Variants in IL1R1 observed in about 807,000 individuals in gnomAD.
IL1R1 encodes the protein interleukin 1 receptor type 1.
In IL1R1, 22 loss-of-function variants were observed where a neutral mutation model predicts 50.2. The ratio of observed to expected loss-of-function variants is 0.44; its 90% CI spans 0.31 to 0.63. IL1R1 has a LOEUF of 0.63. Among genes scored for constraint, IL1R1 ranks in the 20% least tolerant of loss-of-function variants. The probability of loss-of-function intolerance (pLI) is 0.07; values close to 1 mark genes in which losing one functional copy is unlikely to be tolerated. For synonymous variants in IL1R1, 251 were observed against 236.7 expected, an observed-to-expected ratio of 1.06 and a Z score of -0.55; for missense variants, 509 against 676.2, an observed-to-expected ratio of 0.75 and a Z score of 2.74.
At chr2:102,081,410 T>C (rs1378583646) in intron 1 of IL1R1, among the ~76,000 whole-genome samples, 1 of 152,090 alleles carries the variant, frequency 6.6e-6, no homozygotes, top group African/African-American at 2.4e-5. Context: ...GAAATAATCT[T>C]CCAACCTGCA....
intron 1 of IL1R1, among the ~76,000 whole-genome samples, chr2:102,072,659 C>T (rs1183855771): frequency 1.3e-5 from 2 of 151,982 alleles, no homozygotes; most frequent in Non-Finnish European, 2.9e-5. Context: ...GCAGTATTCT[C>T]TCTTGGATTT....
chr2:102,135,880 A>T (rs13383301), intron 1 of IL1R1, among the ~76,000 whole-genome samples: 23,611 of 152,130 alleles, frequency 0.16, 2,007 homozygotes, highest in South Asian at 0.21. Flanking sequence ...TTTTTATTTC[A>T]TTTAATTTAA....
chr2:102,111,987 G>A (rs1381137087), intron 1 of IL1R1, among the ~76,000 whole-genome samples: 1 of 152,144 alleles, frequency 6.6e-6, no homozygotes, highest in Non-Finnish European at 1.5e-5. Flanking sequence ...GCTCAGAATA[G>A]AACAAAATTC....
chr2:102,130,100 G>A (rs1681948059), intron 1 of IL1R1, among the ~76,000 whole-genome samples: 1 of 152,120 alleles, frequency 6.6e-6, no homozygotes, highest in South Asian at 2.1e-4. Flanking sequence ...ATACAGATAA[G>A]TTCTCATATC....
chr2:102,104,468 G>A (rs1041167847), upstream of IL1R1: 1 of 152,348 alleles, frequency 6.6e-6, no homozygotes, highest in Admixed American at 6.5e-5. Context: ...GCAGTGGCGG[G>A]TGTTGGTGTT....
chr2:102,164,189 C>G (rs1684968279), intron 3 of IL1R1, among the ~76,000 whole-genome samples: 1 of 152,054 alleles, frequency 6.6e-6, no homozygotes, highest in Admixed American at 6.6e-5. Flanking sequence ...AAGACTCTTT[C>G]TGCGTGTCGT....
intron 1 of IL1R1, among the ~76,000 whole-genome samples, chr2:102,094,087 A>C (rs1264045564): frequency 6.6e-6 from 1 of 152,236 alleles, no homozygotes; most frequent in African/African-American, 2.4e-5. Flanking sequence ...GTGACTACAA[A>C]ATACTACCAT....
At position 102,099,324 on chromosome 2, in the gene IL1R1, A is replaced by C. The variant is rs1222169876; in HGVS notation, c.-84+28791A>C. On this transcript the variant is annotated intron_variant, in intron 1 of 11. Transcript: ENST00000409929. The stretch of plus-strand genomic sequence containing the variant: ...AGATGGTAGAAGCAGTTTCCATTGG[A>C]TGTTCGTACCCATCCAGTGGCCTTT... 2.6e-5 allele frequency among the ~76,000 whole-genome samples: 4 copies of C among 152,174 alleles called. No homozygotes were observed. The South Asian group carries it at 6.2e-4, about 24-fold the overall frequency.
chr2:102,098,594 G>T lies in IL1R1; in HGVS notation c.-84+28061G>T, dbSNP rs551171808. On this transcript the variant is annotated intron_variant, in intron 1 of 11. Coordinates refer to the IL1R1 transcript ENST00000409929. ...TGTTTCATCAAATCCCTATTTAATTGCATAGTACACTGCAGTGAAAGTATG... is the reference window on the plus strand; with the variant it reads ...TGTTTCATCAAATCCCTATTTAATTTCATAGTACACTGCAGTGAAAGTATG... 7.2e-5 allele frequency among the ~76,000 whole-genome samples: 11 copies of T among 152,200 alleles called. No individual in the cohort carries two copies. The South Asian group carries it at 1.9e-3, about 26-fold the overall frequency.
intron 7 of IL1R1, 140 bp downstream of exon 7, chr2:102,168,803 T>A (rs1038920825): frequency 4.9e-6 from 3 of 612,544 alleles, no homozygotes; most frequent in Non-Finnish European, 8.5e-6. Flanking sequence ...GTGAGACAAA[T>A]TATATCTTAA....
At position 102,172,905 on chromosome 2, in the gene IL1R1, T is replaced by C. The variant is rs1685811266; in HGVS notation, c.991+67T>C. 17 of 1,124,552 alleles carry C rather than the reference T, an allele frequency of 1.5e-5. No homozygotes were observed. The South Asian group carries it at 2.5e-4, about 17-fold the overall frequency. The allele number at this position is 1,124,552 out of a possible 1,614,324, so 69.7% of individuals were successfully genotyped here. ...AGTAAGATTCCATGACTTTGAAGTT[T>C]GAAATGCCATTTCCTCTGCTTAGAA... On this transcript the variant is annotated intron_variant, in intron 9 of 11. Transcript: ENST00000410023.
chr2:102,070,784 C>T (rs1433953906), intron 1 of IL1R1, among the ~76,000 whole-genome samples: 2 of 151,988 alleles, frequency 1.3e-5, no homozygotes, highest in Admixed American at 6.6e-5. Context: ...TGTCCCAGGC[C>T]CTGTGCTGGA....
At chr2:102,129,518 G>A (rs569700141) in intron 1 of IL1R1, among the ~76,000 whole-genome samples, 25 of 152,338 alleles carry the variant, frequency 1.6e-4, no homozygotes, top group African/African-American at 6.0e-4. Context: ...AATTGGTGAT[G>A]TTGGGGAATT....
chr2:102,106,885 A>G (rs1457236709), intron 1 of IL1R1, among the ~76,000 whole-genome samples: 1 of 152,114 alleles, frequency 6.6e-6, no homozygotes, highest in African/African-American at 2.4e-5. Flanking sequence ...TCTCTTATTA[A>G]CAGTACTACA....
At chr2:102,158,041 A>G (rs996641038) in intron 3 of IL1R1, among the ~76,000 whole-genome samples, 2 of 152,240 alleles carry the variant, frequency 1.3e-5, no homozygotes, top group African/African-American at 4.8e-5. Flanking sequence ...TTGGAACAAA[A>G]GCTAAAATCT....
At chr2:102,108,376 C>A (rs1035502051) in intron 1 of IL1R1, among the ~76,000 whole-genome samples, 1 of 152,018 alleles carries the variant, frequency 6.6e-6, no homozygotes, top group Non-Finnish European at 1.5e-5. Context: ...TTATTCCATT[C>A]TTGTACAGGA....
chr2:102,074,813 C>T lies in IL1R1; in HGVS notation c.-84+4280C>T, dbSNP rs549375059. Among the ~76,000 whole-genome samples, 3 of 152,166 alleles carry T rather than the reference C, an allele frequency of 2.0e-5. No homozygotes were observed. The South Asian group carries it at 6.2e-4, about 32-fold the overall frequency. On this transcript the variant is annotated intron_variant, in intron 1 of 11. Coordinates refer to the IL1R1 transcript ENST00000409929. ...GCTGTCATTTAAAACATGGTCTGCTCCAGATGGAGGATTTGGTGATTTTTA... is the reference window on the plus strand; with the variant it reads ...GCTGTCATTTAAAACATGGTCTGCTTCAGATGGAGGATTTGGTGATTTTTA...
At chr2:102,091,092 T>A (rs1679646208) in intron 1 of IL1R1, among the ~76,000 whole-genome samples, 1 of 152,220 alleles carries the variant, frequency 6.6e-6, no homozygotes, top group South Asian at 2.1e-4. Flanking sequence ...CTCTGTTGCC[T>A]TAGTTCCAAA....
chr2:102,137,033 C>A (rs1682381941), intron 1 of IL1R1, among the ~76,000 whole-genome samples: 2 of 152,146 alleles, frequency 1.3e-5, no homozygotes, highest in Admixed American at 1.3e-4. Flanking sequence ...ATAGTATATT[C>A]AAAACTAAAC....
Sources: allele counts gnomAD v4.1 joint callset (sites outside exome capture counted in the v4.1 genomes callset), GRCh38; gene constraint gnomAD v4.1.1; transcripts MANE v1.5; gene names NCBI Gene and HGNC (gene_info 2026-07-23, HGNC 2026-07-21).